DMXL2: variants seen among roughly 807,000 people sequenced by gnomAD.
The protein encoded by DMXL2 is Dmx like 2.
In DMXL2, 103 loss-of-function variants were observed where a neutral mutation model predicts 331.1. That is an observed-to-expected ratio of 0.31 (90% CI 0.27 to 0.37). The LOEUF (loss-of-function observed/expected upper bound fraction) is 0.37. Ranked by LOEUF, DMXL2 falls within the 10% of genes least tolerant of loss-of-function variation. The pLI is 1.00. For missense variants in DMXL2, 3,171 were observed against 3,642.9 expected, an observed-to-expected ratio of 0.87 and a Z score of 3.33; for synonymous variants, 1,281 against 1,252.1, an observed-to-expected ratio of 1.02 and a Z score of -0.49.
chr15:51,502,252 T>A (rs1033069925), intron 17 of DMXL2, among the ~76,000 whole-genome samples: 8 of 133,936 alleles, frequency 6.0e-5, no homozygotes, highest in South Asian at 2.4e-4. Context: ...AAAAAAAAAA[T>A]TTACACTATT....
chr15:51,521,977 C>A (rs906507550), intron 13 of DMXL2, among the ~76,000 whole-genome samples: 1 of 152,144 alleles, frequency 6.6e-6, no homozygotes, highest in African/African-American at 2.4e-5. Flanking sequence ...ACACACTATA[C>A]CACCCTATCT....
intron 29 of DMXL2, among the ~76,000 whole-genome samples, chr15:51,469,323 G>A (rs2040880004): frequency 6.6e-6 from 1 of 151,924 alleles, no homozygotes; most frequent in African/African-American, 2.4e-5. Context: ...GATAATTTTT[G>A]AAGCTACATG....
intron 13 of DMXL2, 127 bp downstream of exon 13, chr15:51,535,536 T>C (rs2048240756): frequency 3.9e-6 from 3 of 761,314 alleles, no homozygotes. Flanking sequence ...GTCATATATA[T>C]GTCATATGCA....
intron 1 of DMXL2, among the ~76,000 whole-genome samples, chr15:51,597,586 C>T (rs2052917620): frequency 1.3e-5 from 2 of 152,174 alleles, no homozygotes; most frequent in African/African-American, 2.4e-5. Flanking sequence ...CTATTACATA[C>T]AATGCTGCTA....
intron 13 of DMXL2, among the ~76,000 whole-genome samples, chr15:51,520,440 G>A (rs556997376): frequency 2.5e-4 from 38 of 152,220 alleles, no homozygotes; most frequent in African/African-American, 8.7e-4. Flanking sequence ...AAACATAAAC[G>A]TATACAAATA....
At chr15:51,541,835 T>C (rs541665376) in intron 9 of DMXL2, among the ~76,000 whole-genome samples, 4 of 152,172 alleles carry the variant, frequency 2.6e-5, no homozygotes, top group Admixed American at 1.3e-4. Context: ...CTCAGTCACA[T>C]AGGGGAAAAA....
intron 20 of DMXL2, among the ~76,000 whole-genome samples, chr15:51,488,958 T>C (rs966971797): frequency 6.6e-6 from 1 of 152,216 alleles, no homozygotes; most frequent in Non-Finnish European, 1.5e-5. Context: ...GGCACTATCA[T>C]TATTCCCATT....
At chr15:51,575,484 T>G (rs898372991) in intron 2 of DMXL2, among the ~76,000 whole-genome samples, 1 of 152,132 alleles carries the variant, frequency 6.6e-6, no homozygotes, top group African/African-American at 2.4e-5. Flanking sequence ...CACCAAAATT[T>G]GATGTACATT....
chr15:51,491,249 T>C (rs750639996), intron 20 of DMXL2, among the ~76,000 whole-genome samples: 46 of 152,212 alleles, frequency 3.0e-4, no homozygotes, highest in South Asian at 6.2e-4. Context: ...GAGACCATCC[T>C]GGCCAACATG....
chr15:51,492,938 C>T (rs940735039), intron 19 of DMXL2, among the ~76,000 whole-genome samples: 1 of 152,112 alleles, frequency 6.6e-6, no homozygotes, highest in Admixed American at 6.5e-5. Flanking sequence ...TACTGCTTCA[C>T]TGTAATTTCT....
At chr15:51,453,718 T>C in intron 40 of DMXL2, 77 bp from the exon 41 acceptor site, 2 of 1,181,856 alleles carry the variant, frequency 1.7e-6, no homozygotes, top group Middle Eastern at 1.9e-4. Context: ...ACATGTCTGC[T>C]AATAACATAC....
At chr15:51,455,919 G>GA (rs2039578783) in intron 39 of DMXL2, 147 bp downstream of exon 39, 1 of 869,960 alleles carries the variant, frequency 1.1e-6, no homozygotes, top group Non-Finnish European at 1.8e-6. Context: ...TGGAAGAAAA[G>GA]AGAGTGTATG....
At chr15:51,568,197 C>T (rs2050420192) in intron 3 of DMXL2, 1 of 264,862 alleles carries the variant, frequency 3.8e-6, no homozygotes, top group East Asian at 9.0e-5. Flanking sequence ...AACCAGATAT[C>T]AGATAGATAT....
At chr15:51,454,888 C>T (rs1357853840) in intron 40 of DMXL2, among the ~76,000 whole-genome samples, 1 of 151,944 alleles carries the variant, frequency 6.6e-6, no homozygotes, top group Non-Finnish European at 1.5e-5. Context: ...TGAAAAAAAA[C>T]CCAAGTTGTA....
Position 51,537,349 on chromosome 15 carries a change from A to G in DMXL2, c.1617+139T>C, listed in dbSNP as rs144415025. The G allele has an allele frequency of 7.2e-4, 548 of 764,408 alleles. 8 individuals carry two copies. In the East Asian group the frequency reaches 0.015, roughly 21 times the overall value. 47.4% of individuals were successfully genotyped at this position (764,408 alleles called of 1,614,324 possible). On this transcript the variant is annotated intron_variant, in intron 11 of 43. Coordinates refer to ENST00000560891, the MANE Select transcript of DMXL2 (RefSeq NM_001378457.1). ...GCTTATGGTCACTGATCCCTTCTGAAAGAAAGAAGTATTCTTTACTCAGAT... is the reference window on the plus strand; with the variant it reads ...GCTTATGGTCACTGATCCCTTCTGAGAGAAAGAAGTATTCTTTACTCAGAT...
intron 6 of DMXL2, among the ~76,000 whole-genome samples, chr15:51,553,612 T>A (rs1400947480): frequency 6.6e-6 from 1 of 152,182 alleles, no homozygotes; most frequent in Non-Finnish European, 1.5e-5. Context: ...ACCCCTCCTC[T>A]TCTTCCTCCT....
In DMXL2 at chr15:51,521,866, C is replaced by A. The variant is rs142473302; in HGVS notation, c.2437-4699G>T. Among the ~76,000 whole-genome samples the A allele has an allele frequency of 9.6e-3, 1,455 of 152,236 alleles. 19 individuals carry two copies. The highest frequency in any genetic ancestry group is 0.034 in the African/African-American group (1,399 of 41,526). ...TACTATAAGGTTATGCACAGTGAGT[C>A]CTCAATAAAAATTAAAGATTGAGTA... is the stretch of plus-strand genomic sequence containing the variant. On this transcript the variant is annotated intron_variant, in intron 13 of 43. Transcript: ENST00000560891.
At chr15:51,472,874 C>T (rs1188944948) in intron 28 of DMXL2, among the ~76,000 whole-genome samples, 4 of 152,162 alleles carry the variant, frequency 2.6e-5, no homozygotes, top group Non-Finnish European at 5.9e-5. Context: ...GCAGCTAGAG[C>T]GGTTCTGTTG....
chr15:51,488,369 C>A (rs2042552398), intron 21 of DMXL2, among the ~76,000 whole-genome samples, 179 bp downstream of exon 21: 1 of 152,150 alleles, frequency 6.6e-6, no homozygotes, highest in Non-Finnish European at 1.5e-5. Flanking sequence ...TAAAACATCC[C>A]ATCCTCTAGA....
Sources: gnomAD v4.1 joint callset for allele counts (sites outside exome capture counted in the v4.1 genomes callset) on GRCh38, gnomAD v4.1.1 for gene constraint, MANE v1.5 for transcripts, NCBI Gene and HGNC (gene_info 2026-07-23, HGNC 2026-07-21) for gene names.